CUL2: variants seen among roughly 807,000 people sequenced by gnomAD.
CUL2 encodes the protein cullin 2.
Under a neutral mutation model 110.2 loss-of-function variants are expected in CUL2, and 22 were observed. The ratio of observed to expected loss-of-function variants is 0.20; its 90% CI spans 0.14 to 0.28. CUL2 has a LOEUF of 0.28. Among genes scored for constraint, CUL2 ranks in the 10% least tolerant of loss-of-function variants. The pLI is 1.00. For missense variants in CUL2, 631 were observed against 905.5 expected (o/e 0.70, Z 3.89); for synonymous variants, 279 against 293.2 (o/e 0.95, Z 0.49).
chr10:35,100,598 C>T (rs1350947850), intron 2 of CUL2, among the ~76,000 whole-genome samples: 1 of 151,852 alleles, frequency 6.6e-6, no homozygotes, highest in African/African-American at 2.4e-5. Context: ...CTCGTCTCTA[C>T]TAAAAATAGA....
intron 1 of CUL2, among the ~76,000 whole-genome samples, chr10:35,075,365 A>T (rs576397048): frequency 6.6e-6 from 1 of 152,308 alleles, no homozygotes; most frequent in South Asian, 2.1e-4. Flanking sequence ...TGTGAAAGAG[A>T]CAGGGCAAAG....
At chr10:35,037,114 A>G (rs568246778) in intron 9 of CUL2, among the ~76,000 whole-genome samples, 1 of 152,334 alleles carries the variant, frequency 6.6e-6, no homozygotes, top group Non-Finnish European at 1.5e-5. Context: ...TTATGAAGAT[A>G]TTCTTCTATA....
chr10:35,051,209 G>A (rs2086096922), intron 5 of CUL2, among the ~76,000 whole-genome samples: 1 of 151,942 alleles, frequency 6.6e-6, no homozygotes. Context: ...CAGCTATGCG[G>A]GAGGCTGAGG....
chr10:35,019,400 T>C (rs531503703), intron 17 of CUL2, among the ~76,000 whole-genome samples: 1 of 152,246 alleles, frequency 6.6e-6, no homozygotes, highest in Non-Finnish European at 1.5e-5. Context: ...CTACCAGGGA[T>C]CAGGGGTACA....
chr10:35,072,861 G>A (rs1171978465), intron 1 of CUL2, among the ~76,000 whole-genome samples: 1 of 152,218 alleles, frequency 6.6e-6, no homozygotes, highest in Non-Finnish European at 1.5e-5. Context: ...TAGCAGGACT[G>A]TAAGACACCA....
intron 1 of CUL2, among the ~76,000 whole-genome samples, chr10:35,105,359 G>A (rs1399896841): frequency 6.6e-6 from 1 of 151,418 alleles, no homozygotes; most frequent in Non-Finnish European, 1.5e-5. Flanking sequence ...CCGGGAGGCG[G>A]AGCTTGCAGT....
rs567046411 is a variant in CUL2, at chr10:35,065,301, G to T, written c.120-2239C>A. On this transcript the variant is annotated intron_variant, in intron 2 of 20. Coordinates refer to ENST00000374749, the MANE Select transcript of CUL2 (RefSeq NM_003591.4). ...GATGCCTGTAATCCCAGCACTTTGG[G>T]AAGCCAAGGCGGGCAGATCACCAGG... Among the ~76,000 whole-genome samples the T allele has an allele frequency of 2.5e-4, 38 of 152,292 alleles. No homozygotes were observed. In the South Asian group the frequency reaches 6.4e-3, roughly 26 times the overall value.
chr10:35,025,678 T>G (rs1005202697), intron 16 of CUL2, among the ~76,000 whole-genome samples: 3 of 152,226 alleles, frequency 2.0e-5, no homozygotes, highest in Non-Finnish European at 2.9e-5. Flanking sequence ...TTTGCTGATA[T>G]TATTGTGAAC....
chr10:35,091,509 C>G (rs2087202653), upstream of CUL2, among the ~76,000 whole-genome samples: 1 of 152,106 alleles, frequency 6.6e-6, no homozygotes, highest in Non-Finnish European at 1.5e-5. Context: ...TGTTTTCCCC[C>G]TTTTAATCTA....
intron 16 of CUL2, among the ~76,000 whole-genome samples, chr10:35,028,064 G>A (rs992001905): frequency 5.3e-5 from 8 of 152,206 alleles, no homozygotes; most frequent in Non-Finnish European, 1.2e-4. Flanking sequence ...GCCAAGGCCA[G>A]GCATGGTGGC....
At chr10:35,038,525 C>CAAAA (rs61022194) in intron 9 of CUL2, among the ~76,000 whole-genome samples, 1,152 of 65,146 alleles carry the variant, frequency 0.018, 174 homozygotes, top group South Asian at 0.085. Flanking sequence ...GACTCTGTCT[C>CAAAA]AAAAAAAAAA....
chr10:35,058,033 T>A (rs1234491647), intron 4 of CUL2, among the ~76,000 whole-genome samples: 1 of 151,406 alleles, frequency 6.6e-6, no homozygotes, highest in Non-Finnish European at 1.5e-5. Context: ...GGGAGGCGGA[T>A]GCTGCAGTGA....
chr10:35,118,825 C>T (rs1397814970), intron 1 of CUL2: 3 of 152,240 alleles, frequency 2.0e-5, no homozygotes, highest in African/African-American at 7.2e-5. Context: ...TATCTCATGT[C>T]AAAGTGCTTC....
intron 16 of CUL2, 56 bp downstream of exon 16, chr10:35,028,754 A>G (rs1318784507): frequency 1.2e-5 from 14 of 1,147,580 alleles, no homozygotes; most frequent in Non-Finnish European, 1.8e-5. Context: ...GTGATATAAT[A>G]TGAAGACAAT....
chr10:35,039,211 T>C (rs2085713651), intron 8 of CUL2, 129 bp from the exon 9 acceptor site: 1 of 503,874 alleles, frequency 2.0e-6, no homozygotes, highest in Non-Finnish European at 3.4e-6. Flanking sequence ...AAGGGTTACA[T>C]AAGCAATTTA....
At chr10:35,112,072 T>G in intron 1 of CUL2, among the ~76,000 whole-genome samples, 1 of 152,222 alleles carries the variant, frequency 6.6e-6, no homozygotes, top group South Asian at 2.1e-4. Flanking sequence ...TTTCAGCTCC[T>G]ATTTTCTGGT....
chr10:35,075,632 TAA>T (rs1331248930), intron 1 of CUL2, among the ~76,000 whole-genome samples: 1 of 107,974 alleles, frequency 9.3e-6, no homozygotes, highest in Non-Finnish European at 1.9e-5. Context: ...TTATGGGCCC[TAA>T]AACACACACA....
intron 1 of CUL2, among the ~76,000 whole-genome samples, chr10:35,112,308 A>G (rs1230325324): frequency 6.6e-6 from 1 of 152,198 alleles, no homozygotes; most frequent in Non-Finnish European, 1.5e-5. Context: ...CAGAGTACAT[A>G]AAACAATGGT....
chr10:35,074,554 C>T (rs1413214620), intron 1 of CUL2, among the ~76,000 whole-genome samples: 4 of 152,162 alleles, frequency 2.6e-5, no homozygotes, highest in Non-Finnish European at 4.4e-5. Flanking sequence ...CACCCAGGCT[C>T]GAGTGCACTG....
Sources: gnomAD v4.1 joint callset for allele counts (sites outside exome capture counted in the v4.1 genomes callset) on GRCh38, gnomAD v4.1.1 for gene constraint, MANE v1.5 for transcripts, NCBI Gene and HGNC (gene_info 2026-07-23, HGNC 2026-07-21) for gene names.